The following AMACR variants were observed in gnomAD, a reference collection of about 807,000 sequenced individuals.
The protein encoded by AMACR is 2-methylacyl-CoA racemase.
In AMACR, 18 loss-of-function variants were observed where a neutral mutation model predicts 22.2. The ratio of observed to expected loss-of-function variants is 0.81; its 90% confidence interval spans 0.56 to 1.20. AMACR has a LOEUF of 1.20. Ranked by LOEUF, AMACR falls within the 50% of genes most tolerant of loss-of-function variation. The pLI, the probability that AMACR is intolerant of heterozygous loss-of-function variation, is 0.00. For missense variants in AMACR, 499 were observed against 490.6 expected (o/e 1.02, Z -0.16); for synonymous variants, 213 against 191.3 (o/e 1.11, Z -0.94).
In AMACR at chr5:33,987,289, C is replaced by A. The variant is rs116206502; in HGVS notation, c.*1804G>T. 1,457 of 152,494 alleles carry A rather than the reference C, an allele frequency of 9.6e-3. 11 individuals carry two copies. The highest frequency in any genetic ancestry group is 0.058 in the Middle Eastern group (17 of 294). The allele number at this position is 152,494 out of a possible 1,614,324, so 9.4% of individuals were successfully genotyped here. ...TCCATGCCTGGGCTGGAAAACATAA[C>A]CTTATGGGAAAGTTCCTAAAAATGG... On this transcript the variant is annotated 3_prime_UTR_variant, in exon 5 of 5. Coordinates refer to ENST00000335606, the MANE Select transcript of AMACR (RefSeq NM_014324.6).
In AMACR at chr5:33,988,524, T is replaced by C. The variant is rs572482402; in HGVS notation, c.*569A>G. ...TTCCTCATTATTTTGGATATGTTTT[T>C]TTCAGTTGAAGGCATTCTGATTCAA... is the stretch of plus-strand genomic sequence containing the variant. On this transcript the variant is annotated 3_prime_UTR_variant, in exon 5 of 5. Transcript: ENST00000335606. 1 of 1,403,432 alleles carries C rather than the reference T, an allele frequency of 7.1e-7. No individual in the cohort carries two copies. The highest frequency in any genetic ancestry group is 1.4e-5 in the African/African-American group (1 of 69,160). The allele number at this position is 1,403,432 out of a possible 1,614,324, so 86.9% of individuals were successfully genotyped here.
chr5:34,007,827 C>G lies in AMACR; in HGVS notation c.193G>C (p.Val65Leu), dbSNP rs1306513083. 3 of 1,577,900 alleles carry G rather than the reference C, an allele frequency of 1.9e-6. No individual in the cohort carries two copies. The highest frequency in any genetic ancestry group is 2.6e-6 in the Non-Finnish European group (3 of 1,165,666). Residue 65 changes from valine to leucine, a missense_variant, in exon 1 of 5, where the codon GTG (valine) becomes CTG (leucine). Transcript: ENST00000335606. The part of the protein sequence containing the change: ...LDLKQPRGAA[V>L]LRRLCKRSDV... ...GACCGCTTGCACAGACGCCGCAGCA[C>G]GGCGGCTCCCCGCGGCTGCTTCAGG...
At position 33,989,513 on chromosome 5, in the gene AMACR, A is replaced by G. The variant is rs778921820; in HGVS notation, c.740-11T>C. On this transcript the variant is annotated splice_polypyrimidine_tract_variant and intron_variant, in intron 4 of 4. Transcript: ENST00000335606. The stretch of plus-strand genomic sequence containing the variant: ...ACTTTAGTCCAAGTCCTGAGGAAAA[A>G]TACAATTTCCTAAATTATTATGCTT... The G allele has an allele frequency of 2.8e-5, 45 of 1,603,328 alleles. No individual in the cohort carries two copies. Among genetic ancestry groups the G allele is most frequent in the Non-Finnish European group, 3.7e-5 (43 of 1,170,324 alleles).
chr5:33,990,133 C>A lies in AMACR; in HGVS notation c.740-631G>T, dbSNP rs191897973. 4.2e-3 allele frequency among the ~76,000 whole-genome samples: 640 copies of A among 152,212 alleles called. 2 individuals carry two copies. Among genetic ancestry groups the A allele is most frequent in the African/African-American group, 0.015 (603 of 41,536 alleles). ...CCAGCCTGAGCAACACAGCAAGACCCCCATCATCCATCATCCATCCACCCA... is the reference window on the plus strand; with the variant it reads ...CCAGCCTGAGCAACACAGCAAGACCACCATCATCCATCATCCATCCACCCA... On this transcript the variant is annotated intron_variant, in intron 4 of 4. Coordinates refer to ENST00000335606, the MANE Select transcript of AMACR (RefSeq NM_014324.6).
chr5:33,995,558 T>A (rs1021584470), intron 4 of AMACR, among the ~76,000 whole-genome samples: 1 of 152,222 alleles, frequency 6.6e-6, no homozygotes, highest in Non-Finnish European at 1.5e-5. Flanking sequence ...ACGCATTAAC[T>A]TTGTGGGTGG....
At chr5:33,999,910 A>G (rs1222429434) in intron 3 of AMACR, among the ~76,000 whole-genome samples, 1 of 152,188 alleles carries the variant, frequency 6.6e-6, no homozygotes, top group Non-Finnish European at 1.5e-5. Flanking sequence ...AGAGTTCCAC[A>G]TTTATACACA....
At chr5:34,006,318 T>C (rs911485701) in intron 1 of AMACR, among the ~76,000 whole-genome samples, 1 of 152,210 alleles carries the variant, frequency 6.6e-6, no homozygotes, top group African/African-American at 2.4e-5. Flanking sequence ...ACACCTGATG[T>C]TTCCACAGGC....
intron 4 of AMACR, among the ~76,000 whole-genome samples, chr5:33,991,923 G>C (rs1753488621): frequency 2.6e-5 from 4 of 151,926 alleles, no homozygotes; most frequent in African/African-American, 9.7e-5. Flanking sequence ...CTATTGCCTG[G>C]GCTGGAGTGC....
intron 4 of AMACR, 55 bp from the exon 5 acceptor site, chr5:33,989,557 TC>T (rs2112033601): frequency 6.9e-7 from 1 of 1,439,574 alleles, no homozygotes; most frequent in Non-Finnish European, 9.7e-7. Context: ...GCAATTATAA[TC>T]AATAAAAATG....
chr5:33,994,200 G>A (rs1753568207), intron 4 of AMACR: 1 of 377,548 alleles, frequency 2.6e-6, no homozygotes, highest in Non-Finnish European at 5.4e-6. Flanking sequence ...GTTGTTTTGA[G>A]ACAGAGTCTC....
intron 4 of AMACR, among the ~76,000 whole-genome samples, chr5:33,993,487 G>C (rs1753544649): frequency 6.6e-6 from 1 of 152,118 alleles, no homozygotes; most frequent in Non-Finnish European, 1.5e-5. Context: ...AATTTTCTGA[G>C]GAAATGCACG....
chr5:33,995,647 T>C (rs1480018403), intron 4 of AMACR, among the ~76,000 whole-genome samples: 1 of 152,138 alleles, frequency 6.6e-6, no homozygotes, highest in African/African-American at 2.4e-5. Flanking sequence ...CCACTGGGGG[T>C]CTTGCAATGC....
At chr5:34,000,881 C>T (rs941024767) in intron 3 of AMACR, among the ~76,000 whole-genome samples, 1 of 152,152 alleles carries the variant, frequency 6.6e-6, no homozygotes, top group African/African-American at 2.4e-5. Context: ...ATGTTTTATG[C>T]TAATAAAATA....
intron 3 of AMACR, among the ~76,000 whole-genome samples, chr5:34,001,620 C>G (rs1446883883): frequency 6.6e-6 from 1 of 152,200 alleles, no homozygotes; most frequent in African/African-American, 2.4e-5. Flanking sequence ...CAACGCTGTG[C>G]TCATCATGTG....
intron 3 of AMACR, among the ~76,000 whole-genome samples, chr5:34,000,652 C>T (rs931197692): frequency 6.6e-6 from 1 of 152,044 alleles, no homozygotes; most frequent in African/African-American, 2.4e-5. Context: ...GCCTACCACA[C>T]CCAGCTAATT....
intron 3 of AMACR, among the ~76,000 whole-genome samples, chr5:34,003,866 T>C (rs1753891908): frequency 1.3e-5 from 2 of 152,192 alleles, no homozygotes. Context: ...CAAATGTCTG[T>C]GAAAATGCAA....
chr5:33,996,944 G>A (rs1309714710), intron 4 of AMACR: 2 of 524,048 alleles, frequency 3.8e-6, no homozygotes, highest in Admixed American at 6.8e-5. Flanking sequence ...CAGGACTGAG[G>A]GATCCTGAGG....
At chr5:33,991,353 T>C (rs1273420776) in intron 4 of AMACR, among the ~76,000 whole-genome samples, 2 of 152,166 alleles carry the variant, frequency 1.3e-5, no homozygotes, top group Non-Finnish European at 2.9e-5. Flanking sequence ...CTGTTTGCTG[T>C]GCTCCTGACA....
intron 4 of AMACR, among the ~76,000 whole-genome samples, chr5:33,990,151 T>G (rs1161147997): frequency 6.6e-6 from 1 of 152,108 alleles, no homozygotes; most frequent in African/African-American, 2.4e-5. Flanking sequence ...CCATCATCCA[T>G]CCACCCATCC....
Sources: gnomAD v4.1 joint callset for allele counts (sites outside exome capture counted in the v4.1 genomes callset) on GRCh38, gnomAD v4.1.1 for gene constraint, MANE v1.5 for transcripts, NCBI Gene and HGNC (gene_info 2026-07-23, HGNC 2026-07-21) for gene names.